The following HAUS6 variants were observed in gnomAD, a reference collection of about 807,000 sequenced individuals.
HAUS6 encodes HAUS augmin-like complex subunit 6.
Under a neutral mutation model 106.8 loss-of-function variants are expected in HAUS6, and 80 were observed. The ratio of observed to expected loss-of-function variants is 0.75; its 90% CI spans 0.63 to 0.90. The LOEUF (loss-of-function observed/expected upper bound fraction) is 0.90. Among genes scored for constraint, HAUS6 ranks in the 40% least tolerant of loss-of-function variants. The pLI, the probability that HAUS6 is intolerant of heterozygous loss-of-function variation, is 0.00. For synonymous variants in HAUS6, 356 were observed against 379.1 expected (o/e 0.94, Z 0.71); for missense variants, 1,155 against 1,118.1 (o/e 1.03, Z -0.47).
In HAUS6 at chr9:19,080,736, A is replaced by C. The variant is rs1358241990; in HGVS notation, c.871-64T>G. On this transcript the variant is annotated intron_variant, in intron 8 of 16. Transcript: ENST00000380502. ...GGTTGTTACAACAAACTATTACATA[A>C]AAATATTTATGTTTTTTACTATTAA... 3.4e-6 allele frequency: 3 copies of C among 888,980 alleles called. No homozygotes were observed. In the East Asian group the frequency reaches 7.9e-5, roughly 23 times the overall value. The allele number at this position is 888,980 out of a possible 1,614,324, so 55.1% of individuals were successfully genotyped here.
chr9:19,083,473 G>C (rs1040560033), intron 7 of HAUS6, among the ~76,000 whole-genome samples: 1 of 151,904 alleles, frequency 6.6e-6, no homozygotes. Flanking sequence ...GTAATTAATC[G>C]AATGAAGATC....
chr9:19,090,013 A>AT (rs921538388), intron 4 of HAUS6, among the ~76,000 whole-genome samples: 3 of 151,082 alleles, frequency 2.0e-5, no homozygotes, highest in African/African-American at 7.3e-5. Context: ...TTTTTTTATT[A>AT]TTTTTTGTAG....
intron 11 of HAUS6, among the ~76,000 whole-genome samples, chr9:19,076,181 G>A (rs1311205362): frequency 6.8e-6 from 1 of 147,706 alleles, no homozygotes; most frequent in Non-Finnish European, 1.5e-5. Flanking sequence ...GCAACATGGT[G>A]AAATCCCATT....
Position 19,096,532 on chromosome 9 carries a change from T to C in HAUS6, c.224+142A>G, listed in dbSNP as rs1463427594. 8 of 509,732 alleles carry C rather than the reference T, an allele frequency of 1.6e-5. No homozygotes were observed. In the African/African-American group the frequency reaches 1.6e-4, roughly 10 times the overall value. 31.6% of individuals were successfully genotyped at this position (509,732 alleles called of 1,614,324 possible). A position where few individuals can be genotyped will look rare whatever the true frequency, so the allele number is the denominator to read the frequency against. On this transcript the variant is annotated intron_variant, in intron 2 of 16. Coordinates refer to ENST00000380502, the MANE Select transcript of HAUS6 (RefSeq NM_017645.5). ...GTGAGCCTAGATCACGCCACTGCACTCCAGCCTCGATGACGGAGTGAGACT... is the reference window on the plus strand; with the variant it reads ...GTGAGCCTAGATCACGCCACTGCACCCCAGCCTCGATGACGGAGTGAGACT...
chr9:19,083,924 C>T (rs1162795380), intron 7 of HAUS6, among the ~76,000 whole-genome samples: 2 of 151,258 alleles, frequency 1.3e-5, no homozygotes, highest in Admixed American at 6.6e-5. Context: ...AAATCTTAGG[C>T]ATATACTAAT....
chr9:19,102,444 C>T, intron 1 of HAUS6, 80 bp downstream of exon 1: 1 of 1,460,216 alleles, frequency 6.8e-7, no homozygotes, highest in Non-Finnish European at 9.5e-7. Context: ...ATTAATCAAC[C>T]TCCGGGGTCT....
At chr9:19,093,522 G>C (rs548965900) in intron 3 of HAUS6, among the ~76,000 whole-genome samples, 1 of 152,274 alleles carries the variant, frequency 6.6e-6, no homozygotes, top group African/African-American at 2.4e-5. Context: ...AAGCAAAGTG[G>C]GTAAGGCCCC....
Position 19,058,668 on chromosome 9 carries a change from A to T in HAUS6, c.2099T>A (p.Leu700Ter). The change falls in exon 16 of 17, where the codon TTA (leucine) becomes TAA (stop). Residue 700 changes from leucine (L) to a stop codon, truncating the protein, a stop_gained. Transcript: ENST00000380502. LOFTEE classifies it high-confidence loss of function. The part of the protein sequence containing the change: ...KVICKQDLEC[L>*]AFTKLSETSR... ...AGTTTCTGAAAGCTTGGTGAAGGCT[A>T]AACATTCCAAATCTTGCTTGCAAAT... The T allele has an allele frequency of 6.2e-7, 1 of 1,611,672 alleles. No homozygotes were observed. The highest frequency in any genetic ancestry group is 8.5e-7 in the Non-Finnish European group (1 of 1,177,902).
chr9:19,097,235 C>A lies in HAUS6; in HGVS notation c.129-466G>T, dbSNP rs575940500. On this transcript the variant is annotated intron_variant, in intron 1 of 16. Transcript: ENST00000380502. ...ACACCAAAAGCAATGGCAACAAAAG[C>A]CAAAATTGACAAATGGGATCTAATT... is the stretch of plus-strand genomic sequence containing the variant. 2.9e-3 allele frequency among the ~76,000 whole-genome samples: 434 copies of A among 152,160 alleles called. 1 individual carries two copies. Among genetic ancestry groups the A allele is most frequent in the African/African-American group, 0.01 (417 of 41,500 alleles).
intron 3 of HAUS6, among the ~76,000 whole-genome samples, chr9:19,093,510 C>G (rs948314990): frequency 2.6e-5 from 4 of 152,198 alleles, no homozygotes; most frequent in African/African-American, 9.7e-5. Context: ...CAGCAGAGTG[C>G]AAAGCAAAGT....
At chr9:19,077,272 C>G (rs994507046) in intron 10 of HAUS6, among the ~76,000 whole-genome samples, 1 of 152,214 alleles carries the variant, frequency 6.6e-6, no homozygotes, top group African/African-American at 2.4e-5. Context: ...CAGTGGCTCA[C>G]GCCCATAATC....
rs1207220274 is a variant in HAUS6 at position 19,102,699 on chromosome 9, G to T, written c.-48C>A. The T allele has an allele frequency of 3.2e-6, 5 of 1,579,842 alleles. No individual in the cohort carries two copies. Among genetic ancestry groups the T allele is most frequent in the African/African-American group, 2.7e-5 (2 of 73,846 alleles). ...GCAAAGAAAGAAAGCGCAAGCCCAG[G>T]GGACTCGGAGGGCCCTCAAGATCCC... On this transcript the variant is annotated 5_prime_UTR_variant, in exon 1 of 17. Transcript: ENST00000380502.
chr9:19,101,381 C>G (rs923043123), intron 1 of HAUS6, among the ~76,000 whole-genome samples: 4 of 151,412 alleles, frequency 2.6e-5, no homozygotes. Flanking sequence ...GTCCCAGCTA[C>G]TCAGGAGGGT....
At chr9:19,075,724 C>T (rs145346539) in intron 11 of HAUS6, among the ~76,000 whole-genome samples, 17 of 152,158 alleles carry the variant, frequency 1.1e-4, no homozygotes, top group East Asian at 5.8e-4. Context: ...GAGGCCAAGG[C>T]GGGCGGATCA....
At chr9:19,075,978 A>C (rs1417195313) in intron 11 of HAUS6, among the ~76,000 whole-genome samples, 1 of 151,686 alleles carries the variant, frequency 6.6e-6, no homozygotes, top group Admixed American at 6.6e-5. Flanking sequence ...AAAAAAAAAA[A>C]ACACAAGTAC....
intron 11 of HAUS6, among the ~76,000 whole-genome samples, chr9:19,074,156 A>T (rs1836938507): frequency 6.6e-6 from 1 of 150,706 alleles, no homozygotes; most frequent in African/African-American, 2.4e-5. Context: ...CTGAGGCAGG[A>T]GAATTGCTTG....
chr9:19,084,433 T>C (rs571492483), intron 7 of HAUS6, among the ~76,000 whole-genome samples: 1 of 152,288 alleles, frequency 6.6e-6, no homozygotes, highest in African/African-American at 2.4e-5. Flanking sequence ...TAAATGATGA[T>C]GGTTACATGG....
chr9:19,087,897 A>G (rs1817656493), intron 5 of HAUS6, among the ~76,000 whole-genome samples: 1 of 151,502 alleles, frequency 6.6e-6, no homozygotes, highest in South Asian at 2.1e-4. Context: ...ATTATATACA[A>G]CCTATTCTTT....
intron 2 of HAUS6, among the ~76,000 whole-genome samples, chr9:19,095,805 C>A (rs552126335): frequency 7.4e-4 from 113 of 152,110 alleles, no homozygotes; most frequent in African/African-American, 2.7e-3. Flanking sequence ...AGGACTGAGA[C>A]TTGTGGGTGC....
Sources: gnomAD v4.1 joint callset for allele counts (sites outside exome capture counted in the v4.1 genomes callset) on GRCh38, gnomAD v4.1.1 for gene constraint, MANE v1.5 for transcripts, NCBI Gene and HGNC (gene_info 2026-07-23, HGNC 2026-07-21) for gene names.